The following MAP7D2 variants were observed in gnomAD, a reference collection of about 807,000 sequenced individuals.
MAP7D2 encodes MAP7 domain containing 2, also known as MAP7 domain-containing protein 2.
A neutral mutation model predicts 63.5 loss-of-function variants in MAP7D2; 33 were observed. That is an observed-to-expected ratio of 0.52 (90% CI 0.39 to 0.70). The LOEUF (loss-of-function observed/expected upper bound fraction) is 0.70. Ranked by LOEUF, MAP7D2 falls within the 30% of genes least tolerant of loss-of-function variation. The pLI is 0.00. For synonymous variants in MAP7D2, 224 were observed against 223.7 expected (o/e 1.00, Z -0.01); for missense variants, 626 against 604.0 (o/e 1.04, Z -0.38).
chrX:20,106,294 C>G (rs1270337092), intron 1 of MAP7D2, among the ~76,000 whole-genome samples: 1 of 112,070 alleles, frequency 8.9e-6, no homozygotes, highest in Non-Finnish European at 1.9e-5. Context: ...CTAGTCACAG[C>G]CTTGGTGCAC....
chrX:20,056,482 A>T (rs113798690), intron 4 of MAP7D2, among the ~76,000 whole-genome samples, 198 bp downstream of exon 4: 2,648 of 112,021 alleles, frequency 0.024, 90 homozygotes, highest in African/African-American at 0.082. Context: ...ATCAAGAAGA[A>T]TGCACAGATC....
chrX:20,116,876 C>T lies in MAP7D2; in HGVS notation c.4G>A (p.Glu2Lys). 1 of 1,129,118 alleles carries T rather than the reference C, an allele frequency of 8.9e-7. No homozygotes were observed. Among genetic ancestry groups the T allele is most frequent in the South Asian group, 2.1e-5 (1 of 47,348 alleles). The allele number at this position is 1,129,118 out of a possible 1,213,427, so 93.1% of individuals were successfully genotyped here. The change falls in exon 1 of 17, where the codon GAG becomes AAG. Residue 2 changes from glutamate (E) to lysine (K), a missense_variant. By Grantham distance (56) the Glu-to-Lys change is moderately conservative. Transcript: ENST00000379643. Reference protein sequence around the residue: MERGGGGSGTGS... With the variant: MKRGGGGSGTGS... ...GTCCCGGAGCCGCCGCCGCCGCGCT[C>T]CATCGGGATGCGCCGGCCGCACAGG...
At chrX:20,021,552 G>A (rs2073642823) in intron 10 of MAP7D2, 1 of 111,295 alleles carries the variant, frequency 9.0e-6, no homozygotes, top group Non-Finnish European at 1.9e-5. Flanking sequence ...TTCACATTCT[G>A]GCAAGAGAGA....
At chrX:20,064,424 T>G (rs1028961031) in intron 2 of MAP7D2, among the ~76,000 whole-genome samples, 1 of 112,187 alleles carries the variant, frequency 8.9e-6, no homozygotes, top group Non-Finnish European at 1.9e-5. Flanking sequence ...CAGTTGACAC[T>G]TGAAGGTGTT....
chrX:20,079,679 A>G (rs1315191360), intron 1 of MAP7D2, among the ~76,000 whole-genome samples: 1 of 112,143 alleles, frequency 8.9e-6, no homozygotes, highest in Non-Finnish European at 1.9e-5. Context: ...TAGGAACATT[A>G]CTACCTACAT....
intron 16 of MAP7D2, 98 bp downstream of exon 16, chrX:20,010,679 T>C: frequency 2.7e-6 from 2 of 733,273 alleles, no homozygotes; most frequent in Non-Finnish European, 4.0e-6. Flanking sequence ...GTTTTTCAAA[T>C]AAAATTTGAC....
At chrX:20,017,688 G>A (rs908305296) in intron 10 of MAP7D2, among the ~76,000 whole-genome samples, 6 of 112,083 alleles carry the variant, frequency 5.4e-5, no homozygotes, top group Non-Finnish European at 1.1e-4. Context: ...CTGGAGAGGA[G>A]CATTATAGAA....
intron 5 of MAP7D2, among the ~76,000 whole-genome samples, 180 bp downstream of exon 5, chrX:20,052,698 C>T (rs780259070): frequency 3.6e-4 from 40 of 112,293 alleles, no homozygotes; most frequent in Non-Finnish European, 1.1e-4. Context: ...TCTAAAGAGC[C>T]GTGCCACGTT....
chrX:20,029,118 A>T (rs1248038055), intron 8 of MAP7D2, among the ~76,000 whole-genome samples: 1 of 112,449 alleles, frequency 8.9e-6, no homozygotes, highest in Non-Finnish European at 1.9e-5. Flanking sequence ...TTCTCTAAGC[A>T]GTATAGAAAG....
intron 16 of MAP7D2, among the ~76,000 whole-genome samples, chrX:20,009,328 T>C (rs948216168): frequency 1.8e-5 from 2 of 112,065 alleles, no homozygotes; most frequent in African/African-American, 6.5e-5. Flanking sequence ...GTATAAAAAA[T>C]AAAGTGACTG....
At chrX:20,055,587 T>G (rs2065050148) in intron 4 of MAP7D2, 1 of 296,277 alleles carries the variant, frequency 3.4e-6, no homozygotes, top group Non-Finnish European at 6.1e-6. Context: ...AATATGGGCA[T>G]GTCATTCACA....
chrX:20,056,815 T>G (rs1338823075), intron 3 of MAP7D2, 24 bp from the exon 4 acceptor site: 2 of 1,181,079 alleles, frequency 1.7e-6, no homozygotes, highest in Admixed American at 2.2e-5. Flanking sequence ...GTAAGGCAAG[T>G]GTTAACAAGA....
At position 20,073,482 on chromosome X, in the gene MAP7D2, T is replaced by C. The variant is rs916011904; in HGVS notation, c.131-8677A>G. On this transcript the variant is annotated intron_variant, in intron 1 of 16. Transcript: ENST00000379643. The stretch of plus-strand genomic sequence containing the variant: ...TGGGAAGAACTTCCCGTATAATAAA[T>C]GCTCATTAAATGTTGCTGGCCATTA... 4.5e-5 allele frequency among the ~76,000 whole-genome samples: 5 copies of C among 110,526 alleles called. No homozygotes were observed. The Admixed American group carries it at 4.8e-4, about 11-fold the overall frequency.
chrX:20,116,624 G>T, intron 1 of MAP7D2, 126 bp downstream of exon 1: 1 of 1,000,177 alleles, frequency 1.0e-6, no homozygotes, highest in East Asian at 4.2e-5. Context: ...GGGAAAGGGC[G>T]TTTATCTCAG....
chrX:20,020,222 T>C (rs1283666207), intron 10 of MAP7D2, among the ~76,000 whole-genome samples: 4 of 111,368 alleles, frequency 3.6e-5, no homozygotes, highest in Admixed American at 2.9e-4. Flanking sequence ...CCTCCACAGC[T>C]ATGTGTCCCT....
In MAP7D2 at chrX:20,028,033, T is replaced by C. The variant is rs1171702775; in HGVS notation, c.1008-2081A>G. 2.7e-5 allele frequency among the ~76,000 whole-genome samples: 3 copies of C among 111,584 alleles called. No individual in the cohort carries two copies. The Admixed American group carries it at 2.8e-4, about 11-fold the overall frequency. On this transcript the variant is annotated intron_variant, in intron 8 of 16. Transcript: ENST00000379643. ...TGGCCATTTGGAGCTCAGACCTCCA[T>C]TCACACTCTCTGCAGTTGTGTCCAT...
intron 1 of MAP7D2, among the ~76,000 whole-genome samples, chrX:20,104,352 G>A (rs2066511009): frequency 8.9e-6 from 1 of 112,893 alleles, no homozygotes; most frequent in Non-Finnish European, 1.9e-5. Context: ...CCAGGCTGGA[G>A]TACAGTGGCA....
At chrX:20,087,879 CTTTTTTTTTTTTT>C (rs539620594) in intron 1 of MAP7D2, among the ~76,000 whole-genome samples, 12 of 52,853 alleles carry the variant, frequency 2.3e-4, no homozygotes, top group African/African-American at 5.2e-4. Context: ...AATTTCTTTT[CTTTTTTTTTTTTT>C]TTTTTTTTTT....
intron 6 of MAP7D2, among the ~76,000 whole-genome samples, chrX:20,047,509 G>A (rs2064830004): frequency 9.0e-6 from 1 of 110,826 alleles, no homozygotes; most frequent in Non-Finnish European, 1.9e-5. Flanking sequence ...CCACCTGGCT[G>A]CCTCAAACAG....
Sources: gnomAD v4.1 joint callset for allele counts (sites outside exome capture counted in the v4.1 genomes callset) on GRCh38, gnomAD v4.1.1 for gene constraint, MANE v1.5 for transcripts, NCBI Gene and HGNC (gene_info 2026-07-23, HGNC 2026-07-21) for gene names.